The following PDE8A variants were observed in gnomAD, a reference collection of about 807,000 sequenced individuals.
PDE8A encodes phosphodiesterase 8A.
Under a neutral mutation model 105.0 loss-of-function variants are expected in PDE8A, and 59 were observed. The ratio of observed to expected loss-of-function variants is 0.56; its 90% CI spans 0.46 to 0.70. The LOEUF is 0.70. PDE8A is among the 30% of genes least tolerant of loss of function. The probability of loss-of-function intolerance (pLI) is 0.00; values close to 1 mark genes in which losing one functional copy is unlikely to be tolerated. For synonymous variants in PDE8A, 355 were observed against 371.9 expected, an observed-to-expected ratio of 0.95 and a Z score of 0.52; for missense variants, 1,014 against 1,045.9, an observed-to-expected ratio of 0.97 and a Z score of 0.42.
chr15:85,112,151 GTTTGA>G (rs1315858038), intron 12 of PDE8A, among the ~76,000 whole-genome samples: 1 of 151,856 alleles, frequency 6.6e-6, no homozygotes, highest in Non-Finnish European at 1.5e-5. Flanking sequence ...TTATTGCTCT[GTTTGA>G]TTTTTTTCTA....
rs546388562 is a variant in PDE8A at position 84,995,752 on chromosome 15, C to T, written c.186+13404C>T. On this transcript the variant is annotated intron_variant, in intron 1 of 21. Transcript: ENST00000394553. ...CTCACGATAAATATTGTTAAATTGC[C>T]CTCCAGGAAAATGTGATGAAATTTT... 3.9e-5 allele frequency among the ~76,000 whole-genome samples: 6 copies of T among 152,156 alleles called. No homozygotes were observed. The South Asian group carries it at 1.2e-3, about 32-fold the overall frequency.
chr15:85,050,169 G>C (rs1294684340), intron 1 of PDE8A, among the ~76,000 whole-genome samples: 1 of 151,956 alleles, frequency 6.6e-6, no homozygotes, highest in Non-Finnish European at 1.5e-5. Context: ...TTTTGAATTG[G>C]GTTGTTGTTG....
At position 85,014,737 on chromosome 15, in the gene PDE8A, A is replaced by G. The variant is rs779853739; in HGVS notation, c.186+32389A>G. On this transcript the variant is annotated intron_variant, in intron 1 of 21. Coordinates refer to ENST00000394553, the MANE Select transcript of PDE8A (RefSeq NM_002605.3). ...CACAGCATATCCTTGGGATCACTCC[A>G]TAGTTGTCTATGGAGGAATTGTTCA... 2.0e-5 allele frequency among the ~76,000 whole-genome samples: 3 copies of G among 152,174 alleles called. No homozygotes were observed. In the South Asian group the frequency reaches 6.2e-4, roughly 31 times the overall value.
At chr15:85,053,187 T>C (rs2081003999) in intron 1 of PDE8A, among the ~76,000 whole-genome samples, 1 of 152,350 alleles carries the variant, frequency 6.6e-6, no homozygotes, top group African/African-American at 2.4e-5. Flanking sequence ...TATATCTCTG[T>C]TTTGGTACCA....
chr15:84,998,592 A>G (rs377544643), intron 1 of PDE8A, among the ~76,000 whole-genome samples: 2 of 152,194 alleles, frequency 1.3e-5, no homozygotes, highest in African/African-American at 4.8e-5. Context: ...TGGAGTTGGC[A>G]TGCAGTGAAA....
In PDE8A at chr15:85,127,392, C is replaced by T. The variant is rs188577650; in HGVS notation, c.2253+1018C>T. Among the ~76,000 whole-genome samples, 332 of 152,200 alleles carry T rather than the reference C, an allele frequency of 2.2e-3. 1 individual carries two copies. The highest frequency in any genetic ancestry group is 3.6e-3 in the Non-Finnish European group (243 of 68,008). The stretch of plus-strand genomic sequence containing the variant: ...TAAGACATACATTTGCTTCTGTTTG[C>T]AGATGACATGATTTTATGCAGAAAA... On this transcript the variant is annotated intron_variant, in intron 20 of 21. Transcript: ENST00000394553.
chr15:85,017,547 G>C (rs1333915788), intron 1 of PDE8A, among the ~76,000 whole-genome samples: 1 of 152,098 alleles, frequency 6.6e-6, no homozygotes, highest in Non-Finnish European at 1.5e-5. Flanking sequence ...TGTCAGGAAA[G>C]TTCTAGTTTT....
chr15:85,118,723 C>T (rs1596537254), intron 17 of PDE8A, among the ~76,000 whole-genome samples: 1 of 152,352 alleles, frequency 6.6e-6, no homozygotes, highest in East Asian at 1.9e-4. Flanking sequence ...GAAGCTTCTG[C>T]CCTTGACCTG....
At chr15:85,040,370 T>TAAAA (rs35955528) in intron 1 of PDE8A, among the ~76,000 whole-genome samples, 5 of 103,702 alleles carry the variant, frequency 4.8e-5, no homozygotes, top group East Asian at 2.9e-4. Flanking sequence ...ACCTCTTCTC[T>TAAAA]AAAAAAAAAA....
chr15:85,066,764 C>T lies in PDE8A; in HGVS notation c.244-250C>T, dbSNP rs1035446116. 2.0e-5 allele frequency among the ~76,000 whole-genome samples: 3 copies of T among 152,128 alleles called. No individual in the cohort carries two copies. The East Asian group carries it at 5.8e-4, about 29-fold the overall frequency. ...AATCAGCCTGGCCAACATGGCAAAA[C>T]CCCGTCTCTACTAAAAATACAAAAA... On this transcript the variant is annotated intron_variant, in intron 2 of 21. Transcript: ENST00000394553.
intron 3 of PDE8A, among the ~76,000 whole-genome samples, chr15:85,070,355 C>T (rs2081292608): frequency 6.6e-6 from 1 of 152,202 alleles, no homozygotes; most frequent in South Asian, 2.1e-4. Context: ...GGTCTGGGCA[C>T]TGCATTTGGT....
intron 1 of PDE8A, among the ~76,000 whole-genome samples, chr15:85,036,547 G>A (rs1275906349): frequency 1.3e-5 from 2 of 152,136 alleles, no homozygotes; most frequent in Non-Finnish European, 2.9e-5. Flanking sequence ...CATACACTTT[G>A]GCTATGGGCA....
chr15:85,105,499 C>A (rs1397298567), intron 11 of PDE8A, among the ~76,000 whole-genome samples: 1 of 152,132 alleles, frequency 6.6e-6, no homozygotes, highest in African/African-American at 2.4e-5. Context: ...GGCTGCAGGG[C>A]TAATGCGAGT....
At chr15:85,079,130 T>C (rs148428043) in intron 5 of PDE8A, among the ~76,000 whole-genome samples, 4 of 152,340 alleles carry the variant, frequency 2.6e-5, no homozygotes, top group Non-Finnish European at 4.4e-5. Flanking sequence ...CCCACACTTA[T>C]GCATATATGT....
intron 5 of PDE8A, among the ~76,000 whole-genome samples, chr15:85,080,461 G>A (rs993512435): frequency 2.0e-5 from 3 of 152,108 alleles, no homozygotes; most frequent in African/African-American, 7.2e-5. Context: ...AACCTTAGAA[G>A]CTTCCACTTT....
chr15:85,049,433 G>A (rs1365145627), intron 1 of PDE8A, among the ~76,000 whole-genome samples: 1 of 152,078 alleles, frequency 6.6e-6, no homozygotes, highest in Non-Finnish European at 1.5e-5. Flanking sequence ...CATGTAAGTG[G>A]AATCATATAG....
intron 9 of PDE8A, 132 bp downstream of exon 9, chr15:85,098,168 A>C: frequency 1.5e-6 from 1 of 664,128 alleles, no homozygotes; most frequent in Non-Finnish European, 2.7e-6. Flanking sequence ...ATGGCCTTCC[A>C]GCATAGTGTT....
At chr15:85,027,275 G>A (rs1160954141) in intron 1 of PDE8A, among the ~76,000 whole-genome samples, 2 of 152,270 alleles carry the variant, frequency 1.3e-5, no homozygotes, top group East Asian at 3.9e-4. Context: ...TCCTAGAGTA[G>A]CAAACAAATG....
intron 3 of PDE8A, among the ~76,000 whole-genome samples, chr15:85,072,000 G>C (rs963303564): frequency 2.0e-5 from 3 of 152,078 alleles, no homozygotes; most frequent in Admixed American, 2.0e-4. Context: ...ATCTCATAAA[G>C]GGATATAGAG....
Sources: gnomAD v4.1 joint callset for allele counts (sites outside exome capture counted in the v4.1 genomes callset) on GRCh38, gnomAD v4.1.1 for gene constraint, MANE v1.5 for transcripts, NCBI Gene and HGNC (gene_info 2026-07-23, HGNC 2026-07-21) for gene names.